The following PARD3 variants were observed in gnomAD, a reference collection of about 807,000 sequenced individuals.
PARD3 encodes partitioning defective 3 homolog.
Under a neutral mutation model 155.4 loss-of-function variants are expected in PARD3, and 75 were observed. That is an observed-to-expected ratio of 0.48 (90% CI 0.40 to 0.58). PARD3 has a LOEUF of 0.58. PARD3 is among the 20% of genes least tolerant of loss of function. PARD3 has a pLI of 0.00. For missense variants in PARD3, 1,642 were observed against 1,721.7 expected (o/e 0.95, Z 0.82); for synonymous variants, 576 against 610.5 (o/e 0.94, Z 0.83).
intron 2 of PARD3, among the ~76,000 whole-genome samples, chr10:34,618,208 G>A (rs140798697): frequency 4.7e-4 from 71 of 152,222 alleles, no homozygotes; most frequent in Admixed American, 6.5e-4. Flanking sequence ...AGTGTTCAAC[G>A]ATTTTCCATT....
intron 2 of PARD3, among the ~76,000 whole-genome samples, chr10:34,547,778 C>T (rs1009475533): frequency 9.9e-5 from 15 of 152,128 alleles, no homozygotes; most frequent in African/African-American, 3.6e-4. Flanking sequence ...AAGAAAAAAA[C>T]ATATTTCAGG....
chr10:34,117,270 A>C (rs1293199666), intron 24 of PARD3, among the ~76,000 whole-genome samples: 1 of 152,226 alleles, frequency 6.6e-6, no homozygotes, highest in Non-Finnish European at 1.5e-5. Flanking sequence ...ACAACTGGCC[A>C]ATAAAAATAA....
At chr10:34,606,196 G>C (rs2090416774) in intron 2 of PARD3, among the ~76,000 whole-genome samples, 1 of 95,710 alleles carries the variant, frequency 1.0e-5, no homozygotes, top group South Asian at 3.4e-4. Flanking sequence ...GTGTGTGTGT[G>C]TGTGTGTGTG....
chr10:34,574,682 G>C, intron 2 of PARD3, among the ~76,000 whole-genome samples: 1 of 152,184 alleles, frequency 6.6e-6, no homozygotes, highest in Non-Finnish European at 1.5e-5. Context: ...TATGACTCAA[G>C]TATTTACGGC....
chr10:34,343,360 CAATATG>C, intron 15 of PARD3: 1 of 982,278 alleles, frequency 1.0e-6, no homozygotes, highest in South Asian at 4.7e-5. Flanking sequence ...CCTAACAAAG[CAATATG>C]AACACTGAAA....
chr10:34,436,735 CA>C (rs2076207136), intron 5 of PARD3, among the ~76,000 whole-genome samples: 7 of 151,712 alleles, frequency 4.6e-5, no homozygotes, highest in Admixed American at 4.6e-4. Flanking sequence ...CCCAGCTATA[CA>C]AAGGAAAATT....
chr10:34,349,580 T>TAAAAAAAAAAAAAAAAA, intron 14 of PARD3, among the ~76,000 whole-genome samples: 2 of 44,712 alleles, frequency 4.5e-5, no homozygotes, highest in African/African-American at 1.1e-4. Flanking sequence ...TCTGGGAAAG[T>TAAAAAAAAAAAAAAAAA]AAAAAAAAAA....
intron 5 of PARD3, among the ~76,000 whole-genome samples, chr10:34,432,000 CCACTGCA>C (rs2132544212): frequency 8.0e-6 from 1 of 124,392 alleles, no homozygotes; most frequent in African/African-American, 3.1e-5. Context: ...CGAGATCACG[CCACTGCA>C]CTCTAGCCTG....
chr10:34,753,126 G>C lies in PARD3; in HGVS notation c.121-56707C>G, dbSNP rs1301135588. Among the ~76,000 whole-genome samples the C allele has an allele frequency of 2.0e-5, 3 of 152,206 alleles. No individual in the cohort carries two copies. The East Asian group carries it at 5.8e-4, about 29-fold the overall frequency. On this transcript the variant is annotated intron_variant, in intron 1 of 24. Coordinates refer to ENST00000374788, the MANE Select transcript of PARD3 (RefSeq NM_001184785.2). ...TCAGGATTGGTCTGAAAAGCACCTCGATTCTCCAGCTCCAGCAGGGGTCCT... is the reference window on the plus strand; with the variant it reads ...TCAGGATTGGTCTGAAAAGCACCTCCATTCTCCAGCTCCAGCAGGGGTCCT...
intron 1 of PARD3, among the ~76,000 whole-genome samples, chr10:34,754,624 A>C (rs1460376500): frequency 2.6e-5 from 4 of 152,164 alleles, no homozygotes; most frequent in Non-Finnish European, 5.9e-5. Context: ...CTAATTTTTA[A>C]ATCAGGCAGA....
intron 1 of PARD3, among the ~76,000 whole-genome samples, chr10:34,799,309 T>C (rs1343450879): frequency 6.6e-6 from 1 of 152,122 alleles, no homozygotes; most frequent in African/African-American, 2.4e-5. Flanking sequence ...CCCAAAGTGC[T>C]GGGATTACAA....
intron 3 of PARD3, among the ~76,000 whole-genome samples, chr10:34,505,009 G>A (rs2080967958): frequency 6.6e-6 from 1 of 152,054 alleles, no homozygotes; most frequent in Non-Finnish European, 1.5e-5. Context: ...ACGAACCCAA[G>A]TACCTGGTTG....
intron 2 of PARD3, among the ~76,000 whole-genome samples, chr10:34,609,259 TAATA>T (rs2090701879): frequency 6.6e-6 from 1 of 152,216 alleles, no homozygotes; most frequent in Non-Finnish European, 1.5e-5. Flanking sequence ...TAAAATTAAT[TAATA>T]TTCACACAAC....
At chr10:34,139,048 A>G (rs2132847040) in intron 22 of PARD3, among the ~76,000 whole-genome samples, 1 of 152,184 alleles carries the variant, frequency 6.6e-6, no homozygotes, top group East Asian at 1.9e-4. Context: ...CAGGGCAGAA[A>G]AAAATTCTAT....
rs928689772 is a variant in PARD3, at chr10:34,395,515, G to T, written c.890+3815C>A. On this transcript the variant is annotated intron_variant, in intron 7 of 24. Transcript: ENST00000374788. ...ATGAGGATCAGTTAACTTTATTTTTGAATAACATATACAAGGAAATAACTC... is the reference window on the plus strand; with the variant it reads ...ATGAGGATCAGTTAACTTTATTTTTTAATAACATATACAAGGAAATAACTC... 4.6e-5 allele frequency among the ~76,000 whole-genome samples: 7 copies of T among 152,016 alleles called. No individual in the cohort carries two copies. The East Asian group carries it at 1.2e-3, about 25-fold the overall frequency.
intron 1 of PARD3, among the ~76,000 whole-genome samples, chr10:34,768,433 A>T (rs1838410354): frequency 9.0e-6 from 1 of 111,380 alleles, no homozygotes; most frequent in African/African-American, 3.5e-5. Context: ...GAAGTTGGGA[A>T]GGGGCTTCCA....
chr10:34,520,900 G>A (rs986132945), intron 2 of PARD3, among the ~76,000 whole-genome samples: 1 of 152,064 alleles, frequency 6.6e-6, no homozygotes, highest in Non-Finnish European at 1.5e-5. Flanking sequence ...TGAAGATTTT[G>A]GATTGCTATA....
At chr10:34,529,999 T>C (rs2082733698) in intron 2 of PARD3, among the ~76,000 whole-genome samples, 1 of 152,150 alleles carries the variant, frequency 6.6e-6, no homozygotes, top group South Asian at 2.1e-4. Flanking sequence ...CCTCCCAAAG[T>C]GCTGGGATTA....
chr10:34,763,056 G>A (rs142704316), intron 1 of PARD3, among the ~76,000 whole-genome samples: 43 of 152,218 alleles, frequency 2.8e-4, no homozygotes, highest in African/African-American at 9.2e-4. Context: ...TTCTTAAAGG[G>A]GCAGAACCAC....
Sources: gnomAD v4.1 joint callset for allele counts (sites outside exome capture counted in the v4.1 genomes callset) on GRCh38, gnomAD v4.1.1 for gene constraint, MANE v1.5 for transcripts, NCBI Gene and HGNC (gene_info 2026-07-23, HGNC 2026-07-21) for gene names.